The following COL4A3 variants were observed in gnomAD, a reference collection of about 807,000 sequenced individuals.
The protein encoded by COL4A3 is collagen type IV alpha 3 chain.
COL4A3 carries 135 observed loss-of-function variants against 217.4 expected under a neutral mutation model. That is an observed-to-expected ratio of 0.62 (90% CI 0.54 to 0.72). The LOEUF is 0.72. COL4A3 is among the 30% of genes least tolerant of loss of function. The pLI is 0.00. For missense variants in COL4A3, 1,868 were observed against 2,119.9 expected (o/e 0.88, Z 2.33); for synonymous variants, 690 against 736.3 (o/e 0.94, Z 1.02).
chr2:227,218,186 G>C (rs1381112538), intron 1 of COL4A3, among the ~76,000 whole-genome samples: 1 of 151,400 alleles, frequency 6.6e-6, no homozygotes, highest in East Asian at 1.9e-4. Context: ...TGTCGTGTGG[G>C]CCGGGCGCAG....
chr2:227,296,857 C>T (rs1430290002), intron 41 of COL4A3, among the ~76,000 whole-genome samples: 3 of 152,178 alleles, frequency 2.0e-5, no homozygotes, highest in Non-Finnish European at 2.9e-5. Context: ...TAGCCTCCCT[C>T]TCCTTCTCCC....
intron 43 of COL4A3, 137 bp downstream of exon 43, chr2:227,298,949 G>A (rs919059215): frequency 2.1e-5 from 18 of 837,650 alleles, no homozygotes; most frequent in South Asian, 1.6e-4. Context: ...AGACATACCC[G>A]AGACTGGGTA....
chr2:227,266,433 C>T lies in COL4A3; in HGVS notation c.1332C>T (p.Arg444=). ...TTTTTATAGGTGACATCGTTTTTCGCAAGGGTCCACCTGGAGATCACGGAC... is the reference window on the plus strand; with the variant it reads ...TTTTTATAGGTGACATCGTTTTTCGTAAGGGTCCACCTGGAGATCACGGAC... ...PPGPPGDIVF[R]KGPPGDHGLP... The change falls in exon 22 of 52, where the codon CGC becomes CGT. Residue 444 remains arginine, a synonymous_variant. Coordinates refer to ENST00000396578, the MANE Select transcript of COL4A3 (RefSeq NM_000091.5). 6.2e-7 allele frequency: 1 copy of T among 1,613,996 alleles called. No individual in the cohort carries two copies. The highest frequency in any genetic ancestry group is 8.5e-7 in the Non-Finnish European group (1 of 1,179,924).
chr2:227,241,257 C>T (rs965184912), intron 3 of COL4A3, among the ~76,000 whole-genome samples: 3 of 152,198 alleles, frequency 2.0e-5, no homozygotes, highest in Non-Finnish European at 4.4e-5. Context: ...TGGCTTCTCA[C>T]GCACCCACAC....
chr2:227,164,753 G>T lies in COL4A3; in HGVS notation c.27G>T (p.Pro9=), dbSNP rs918717650. The change falls in exon 1 of 52, where the codon CCG becomes CCT. Residue 9 remains proline (P), a synonymous_variant. Coordinates refer to ENST00000396578, the MANE Select transcript of COL4A3 (RefSeq NM_000091.5). This position sits in a 1 kb window ranked among gnomAD's most constrained non-coding sequence, Gnocchi z 4.8. The part of the protein sequence containing the change: MSARTAPR[P]QVLLLPLLLV... ...TGAGCGCCCGGACCGCCCCCAGGCC[G>T]CAGGTGCTCCTGCTGCCGCTCCTGC... 10 of 1,525,998 alleles carry T rather than the reference G, an allele frequency of 6.6e-6. No homozygotes were observed. Among genetic ancestry groups the T allele is most frequent in the South Asian group, 2.4e-5 (2 of 83,310 alleles). The allele number at this position is 1,525,998 out of a possible 1,614,324, so 94.5% of individuals were successfully genotyped here.
intron 1 of COL4A3, among the ~76,000 whole-genome samples, chr2:227,173,584 G>A (rs1275179093): frequency 6.6e-6 from 1 of 151,932 alleles, no homozygotes; most frequent in Non-Finnish European, 1.5e-5. Flanking sequence ...ACAAAACTTC[G>A]GGTAAACATC....
intron 6 of COL4A3, 195 bp downstream of exon 6, chr2:227,246,211 A>G (rs190725760): frequency 5.7e-4 from 360 of 626,336 alleles, no homozygotes; most frequent in Middle Eastern, 3.0e-3. Context: ...TCTTTTAAGG[A>G]AAGTTCTCCC....
At position 227,304,346 on chromosome 2, in the gene COL4A3, A is replaced by C. The variant is rs540460432; in HGVS notation, c.4153+202A>C. 4.1e-5 allele frequency: 26 copies of C among 629,682 alleles called. No individual in the cohort carries two copies. In the South Asian group the frequency reaches 5.0e-4, roughly 12 times the overall value. 39.0% of individuals were successfully genotyped at this position (629,682 alleles called of 1,614,324 possible). On this transcript the variant is annotated intron_variant, in intron 46 of 51. Coordinates refer to ENST00000396578, the MANE Select transcript of COL4A3 (RefSeq NM_000091.5). The stretch of plus-strand genomic sequence containing the variant: ...TGGAATCTATTGAAAGCAGTTGTTC[A>C]TAGTATAACTTGAACAAATACACTT...
At chr2:227,238,277 C>A in intron 2 of COL4A3, 1 of 323,376 alleles carries the variant, frequency 3.1e-6, no homozygotes, top group Non-Finnish European at 5.8e-6. Flanking sequence ...GAATAAGTAG[C>A]AAATGAGAAA....
At chr2:227,240,348 T>C in intron 3 of COL4A3, 116 bp downstream of exon 3, 1 of 967,934 alleles carries the variant, frequency 1.0e-6, no homozygotes, top group Non-Finnish European at 1.6e-6. Context: ...GCTAGGTGCA[T>C]GGTGAACTCC....
At position 227,225,196 on chromosome 2, in the gene COL4A3, T is replaced by C. The variant is rs114952522; in HGVS notation, c.88-12772T>C. 2.0e-3 allele frequency among the ~76,000 whole-genome samples: 307 copies of C among 152,320 alleles called. 1 individual carries two copies. Among genetic ancestry groups the C allele is most frequent in the African/African-American group, 6.9e-3 (286 of 41,584 alleles). The stretch of plus-strand genomic sequence containing the variant: ...GCTAGGATAACAGGTGTGAGCCACC[T>C]GGCCTAAACTTTGGTTTTGTAAATA... On this transcript the variant is annotated intron_variant, in intron 1 of 51. Transcript: ENST00000396578.
At chr2:227,184,509 A>G (rs1283682891) in intron 1 of COL4A3, among the ~76,000 whole-genome samples, 1 of 152,118 alleles carries the variant, frequency 6.6e-6, no homozygotes, top group Non-Finnish European at 1.5e-5. Context: ...AAAAAGTGAT[A>G]AGTCTTATAT....
chr2:227,253,048 C>G lies in COL4A3; in HGVS notation c.646-248C>G, dbSNP rs575587938. Among the ~76,000 whole-genome samples the G allele has an allele frequency of 2.6e-5, 4 of 152,166 alleles. No homozygotes were observed. The highest frequency in any genetic ancestry group is 5.9e-5 in the Non-Finnish European group (4 of 68,034). Reference sequence around the variant, plus strand: ...TGCTCTGAGCTGGGCTCCTTTCCCTCCCCCACACCACTGCATGTCAGCATT... The same window carrying G: ...TGCTCTGAGCTGGGCTCCTTTCCCTGCCCCACACCACTGCATGTCAGCATT... On this transcript the variant is annotated intron_variant, in intron 11 of 51. Transcript: ENST00000396578. This position sits in a 1 kb window ranked among gnomAD's most constrained non-coding sequence, Gnocchi z 4.4.
At chr2:227,299,496 G>A (rs561084862) in intron 43 of COL4A3, among the ~76,000 whole-genome samples, 2 of 152,228 alleles carry the variant, frequency 1.3e-5, no homozygotes, top group African/African-American at 4.8e-5. Flanking sequence ...ACCTCCCACT[G>A]GGTCCTTCCC....
At position 227,203,761 on chromosome 2, in the gene COL4A3, A is replaced by G. The variant is rs372725280; in HGVS notation, c.88-34207A>G. Among the ~76,000 whole-genome samples the G allele has an allele frequency of 1.2e-3, 112 of 91,196 alleles. 32 individuals carry two copies. Among genetic ancestry groups the G allele is most frequent in the African/African-American group, 4.1e-3 (95 of 23,188 alleles). 59.8% of individuals were successfully genotyped at this position (91,196 alleles called of 152,430 possible). A position where few individuals can be genotyped will look rare whatever the true frequency, so the allele number is the denominator to read the frequency against. On this transcript the variant is annotated intron_variant, in intron 1 of 51. Transcript: ENST00000396578. ...TGTATATATACATATATGTGTGTAT[A>G]TATGTGTATATATACATATATGTGT...
chr2:227,273,230 T>G, intron 26 of COL4A3, 113 bp downstream of exon 26: 1 of 1,148,490 alleles, frequency 8.7e-7, no homozygotes, highest in Non-Finnish European at 1.3e-6. Context: ...TTCTAACGAA[T>G]AGAATATGTC....
intron 1 of COL4A3, among the ~76,000 whole-genome samples, chr2:227,187,956 G>C (rs971211541): frequency 2.5e-4 from 38 of 152,282 alleles, no homozygotes; most frequent in African/African-American, 7.9e-4. Context: ...GCATATCACA[G>C]CACAGTAGAC....
intron 47 of COL4A3, among the ~76,000 whole-genome samples, chr2:227,307,001 G>A (rs867561857): frequency 4.3e-4 from 65 of 152,016 alleles, no homozygotes; most frequent in Non-Finnish European, 1.6e-4. Flanking sequence ...TGGAAGAGAG[G>A]ATAGCTCACT....
chr2:227,169,810 C>T (rs932539419), intron 1 of COL4A3, among the ~76,000 whole-genome samples: 2 of 152,042 alleles, frequency 1.3e-5, no homozygotes, highest in African/African-American at 2.4e-5. Context: ...TAGCTGCAAA[C>T]GTGTATACCA....
Sources: allele counts gnomAD v4.1 joint callset (sites outside exome capture counted in the v4.1 genomes callset), GRCh38; gene constraint gnomAD v4.1.1; non-coding constraint Gnocchi (gnomAD v3.1); transcripts MANE v1.5; gene names NCBI Gene and HGNC (gene_info 2026-07-23, HGNC 2026-07-21).